Variants in VPS13D observed in about 807,000 individuals in gnomAD.
VPS13D encodes the protein intermembrane lipid transfer protein VPS13D.
VPS13D carries 187 observed loss-of-function variants against 461.9 expected under a neutral mutation model. The ratio of observed to expected loss-of-function variants is 0.40; its 90% CI spans 0.36 to 0.46. The LOEUF is 0.46. VPS13D is among the 20% of genes least tolerant of loss of function. The pLI is 0.60. For synonymous variants in VPS13D, 1,951 were observed against 1,986.3 expected, an observed-to-expected ratio of 0.98 and a Z score of 0.47; for missense variants, 4,711 against 5,364.9, an observed-to-expected ratio of 0.88 and a Z score of 3.81.
At position 12,354,169 on chromosome 1, in the gene VPS13D, T is replaced by C. The variant is rs745458769; in HGVS notation, c.9627T>C (p.Pro3209=). 7.4e-6 allele frequency: 12 copies of C among 1,614,072 alleles called. No homozygotes were observed. Among genetic ancestry groups the C allele is most frequent in the Non-Finnish European group, 1.0e-5 (12 of 1,180,022 alleles). Residue 3209 remains proline, a synonymous_variant, in exon 47 of 70, where the codon CCT becomes CCC. Transcript: ENST00000620676. ...TGCCAATTAATGGGACGCTGAAACC[T>C]GGCAAGGAGGCAGCTCTCCATACAG... ...KGMPINGTLK[P]GKEAALHTAD... is the part of the protein sequence containing the mutation.
At chr1:12,352,458 A>G (rs1399681628) in intron 46 of VPS13D, among the ~76,000 whole-genome samples, 2 of 152,212 alleles carry the variant, frequency 1.3e-5, no homozygotes, top group Non-Finnish European at 2.9e-5. Context: ...ATACCCAGCC[A>G]ATAGACAAAT....
At chr1:12,275,730 G>T (rs1641590497) in intron 18 of VPS13D, 95 bp from the exon 19 acceptor site, 2 of 1,279,400 alleles carry the variant, frequency 1.6e-6, no homozygotes, top group African/African-American at 1.5e-5. Flanking sequence ...ACAAACTGGG[G>T]TTGGTTGATT....
chr1:12,353,654 G>A (rs922376335), intron 46 of VPS13D, among the ~76,000 whole-genome samples: 1 of 152,018 alleles, frequency 6.6e-6, no homozygotes, highest in African/African-American at 2.4e-5. Context: ...GTTAGAAAGG[G>A]GTTGCCTGAA....
chr1:12,341,910 C>T (rs768480985), intron 41 of VPS13D, 25 bp downstream of exon 41: 19 of 1,608,028 alleles, frequency 1.2e-5, no homozygotes, highest in East Asian at 4.5e-5. Flanking sequence ...TATATTACCC[C>T]GAGTCATCTC....
Position 12,349,714 on chromosome 1 carries a change from A to G in VPS13D, c.9431+340A>G, listed in dbSNP as rs181561716. 2.6e-5 allele frequency among the ~76,000 whole-genome samples: 4 copies of G among 152,336 alleles called. No individual in the cohort carries two copies. The East Asian group carries it at 7.7e-4, about 29-fold the overall frequency. On this transcript the variant is annotated intron_variant, in intron 46 of 69. Coordinates refer to ENST00000620676, the MANE Select transcript of VPS13D (RefSeq NM_015378.4). ...TAACGAGTTCTCATTCCAAAATTGGAAAGCAAAATCCTGGGGTTTGGAGTT... is the reference window on the plus strand; with the variant it reads ...TAACGAGTTCTCATTCCAAAATTGGGAAGCAAAATCCTGGGGTTTGGAGTT...
intron 34 of VPS13D, 60 bp downstream of exon 34, chr1:12,322,806 C>T (rs1557708869): frequency 1.3e-6 from 2 of 1,505,744 alleles, no homozygotes; most frequent in Non-Finnish European, 1.8e-6. Flanking sequence ...CTTTTTGACT[C>T]TTAAAATTTT....
At chr1:12,450,671 G>A (rs760527806) in intron 65 of VPS13D, among the ~76,000 whole-genome samples, 1 of 152,194 alleles carries the variant, frequency 6.6e-6, no homozygotes, top group African/African-American at 2.4e-5. Context: ...GCTGCCAGAT[G>A]ACTTCGCCCA....
At chr1:12,377,134 A>G (rs993570023) in intron 55 of VPS13D, among the ~76,000 whole-genome samples, 1 of 150,032 alleles carries the variant, frequency 6.7e-6, no homozygotes, top group African/African-American at 2.5e-5. Context: ...ATCTTGGCTC[A>G]CTGCAACCTC....
intron 35 of VPS13D, among the ~76,000 whole-genome samples, chr1:12,324,846 G>T (rs1019980663): frequency 6.6e-6 from 1 of 152,170 alleles, no homozygotes; most frequent in African/African-American, 2.4e-5. Context: ...AGCCCTTGGA[G>T]GCAGACATTA....
At chr1:12,387,225 G>A (rs1368553142) in intron 60 of VPS13D, among the ~76,000 whole-genome samples, 1 of 152,174 alleles carries the variant, frequency 6.6e-6, no homozygotes, top group Non-Finnish European at 1.5e-5. Flanking sequence ...TGATTAATTA[G>A]CCCTAAACTG....
intron 32 of VPS13D, 48 bp downstream of exon 32, chr1:12,319,678 C>G: frequency 6.2e-7 from 1 of 1,611,500 alleles, no homozygotes; most frequent in Non-Finnish European, 8.5e-7. Flanking sequence ...GGCTCACGAG[C>G]AAAGCATCTG....
rs148352071 is a variant in VPS13D, at chr1:12,299,596, G to T, written c.6216+212G>T. 6.6e-6 allele frequency among the ~76,000 whole-genome samples: 1 copy of T among 151,962 alleles called. No homozygotes were observed. Among genetic ancestry groups the T allele is most frequent in the African/African-American group, 2.4e-5 (1 of 41,310 alleles). On this transcript the variant is annotated intron_variant, in intron 25 of 69. Transcript: ENST00000620676. The surrounding 1 kb of genome is among the most constrained non-coding windows in gnomAD (Gnocchi z 4.2). ...TAACTCTTAGTAAATGTAGGTAGTAGAATTTTTTTTGACATTTTATTGATA... is the reference window on the plus strand; with the variant it reads ...TAACTCTTAGTAAATGTAGGTAGTATAATTTTTTTTGACATTTTATTGATA...
In VPS13D at chr1:12,271,043, A is replaced by C; in HGVS notation, c.2022A>C (p.Arg674=). The change falls in exon 17 of 70, where the codon CGA becomes CGC. Residue 674 remains arginine (R), a synonymous_variant. Coordinates refer to ENST00000620676, the MANE Select transcript of VPS13D (RefSeq NM_015378.4). The part of the protein sequence containing the change: ...ELELRVAEAA[R]RQYNKLKMQT... ...AGCTGAGAGTGGCTGAAGCTGCCCG[A>C]AGACAATATAACAAGCTGAAGATGC... is the stretch of plus-strand genomic sequence containing the variant. 1 of 1,613,920 alleles carries C rather than the reference A, an allele frequency of 6.2e-7. No homozygotes were observed. Among genetic ancestry groups the C allele is most frequent in the Non-Finnish European group, 8.5e-7 (1 of 1,179,912 alleles).
rs376457894 is a variant in VPS13D, at chr1:12,441,772, G to A, written c.12334-14226G>A. Among the ~76,000 whole-genome samples the A allele has an allele frequency of 6.6e-5, 10 of 152,268 alleles. No homozygotes were observed. In the South Asian group the frequency reaches 1.7e-3, roughly 25 times the overall value. On this transcript the variant is annotated intron_variant, in intron 65 of 69. Coordinates refer to ENST00000620676, the MANE Select transcript of VPS13D (RefSeq NM_015378.4). ...TTCATCTGTTGTTTTCTGTTTAAGC[G>A]ATAGCAGTCATTTGCAAGATATCAT...
chr1:12,318,010 A>G, intron 30 of VPS13D, 62 bp from the exon 31 acceptor site: 1 of 1,496,574 alleles, frequency 6.7e-7, no homozygotes, highest in Non-Finnish European at 9.1e-7. Context: ...GTACATTTGC[A>G]GGTTATTGAA....
intron 47 of VPS13D, 137 bp downstream of exon 47, chr1:12,354,358 A>G: frequency 8.8e-7 from 1 of 1,130,814 alleles, no homozygotes; most frequent in Non-Finnish European, 1.2e-6. Flanking sequence ...CAAAGGAATC[A>G]GTGCAGTTAA....
rs1168164854 is a variant in VPS13D at position 12,282,877 on chromosome 1, G to T, written c.4775G>T (p.Gly1592Val). 1.9e-6 allele frequency: 3 copies of T among 1,614,110 alleles called. No individual in the cohort carries two copies. The East Asian group carries it at 6.7e-5, about 36-fold the overall frequency. ...GESSVERKEN[G>V]LFSHSSLSNT... ...TCTTCTGTTGAAAGGAAGGAGAATG[G>T]ATTGTTCAGCCACTCCAGCCTTTCT... The change falls in exon 21 of 70, where the codon GGA becomes GTA. Residue 1592 changes from glycine to valine, a missense_variant. Physicochemically the swap from Gly to Val is moderately radical, Grantham distance 109 (BLOSUM62 -3). Transcript: ENST00000620676.
chr1:12,286,420 A>G (rs1044414659), intron 21 of VPS13D, among the ~76,000 whole-genome samples: 1 of 152,170 alleles, frequency 6.6e-6, no homozygotes, highest in Admixed American at 6.5e-5. Flanking sequence ...GTAAGGTTCC[A>G]TGTTACATTT....
intron 60 of VPS13D, among the ~76,000 whole-genome samples, chr1:12,397,797 A>T (rs1644519352): frequency 6.6e-6 from 1 of 152,214 alleles, no homozygotes; most frequent in Non-Finnish European, 1.5e-5. Context: ...ATGAGAGCTG[A>T]ACTGAAACTT....
Sources: gnomAD v4.1 joint callset for allele counts (sites outside exome capture counted in the v4.1 genomes callset) on GRCh38, gnomAD v4.1.1 for gene constraint, Gnocchi (gnomAD v3.1) non-coding constraint, MANE v1.5 for transcripts, NCBI Gene and HGNC (gene_info 2026-07-23, HGNC 2026-07-21) for gene names.